Variants in PRKCA observed in about 807,000 individuals in gnomAD.
The protein encoded by PRKCA is protein kinase C alpha.
Under a neutral mutation model 87.0 loss-of-function variants are expected in PRKCA, and 27 were observed. That is an observed-to-expected ratio of 0.31 (90% CI 0.23 to 0.43). PRKCA has a LOEUF of 0.43. Among genes scored for constraint, PRKCA ranks in the 20% least tolerant of loss-of-function variants. The pLI is 1.00. For missense variants in PRKCA, 518 were observed against 852.3 expected (o/e 0.61, Z 4.88); for synonymous variants, 329 against 311.1 (o/e 1.06, Z -0.61).
intron 2 of PRKCA, among the ~76,000 whole-genome samples, chr17:66,423,230 C>T (rs1481531250): frequency 1.3e-5 from 2 of 152,082 alleles, no homozygotes; most frequent in African/African-American, 4.8e-5. Flanking sequence ...AGAGTCTCAC[C>T]GGAATGCAGC....
At position 66,613,551 on chromosome 17, in the gene PRKCA, T is replaced by C. The variant is rs186487626; in HGVS notation, c.289-27804T>C. 6.2e-3 allele frequency among the ~76,000 whole-genome samples: 949 copies of C among 152,256 alleles called. 31 individuals are homozygous for C. The highest frequency in any genetic ancestry group is 0.054 in the Admixed American group (832 of 15,294). On this transcript the variant is annotated intron_variant, in intron 3 of 16. Coordinates refer to ENST00000413366, the MANE Select transcript of PRKCA (RefSeq NM_002737.3). ...CACCCATCAAGGTGTCTCCAGGCCA[T>C]GCTTTGTGCGAGGCTCTAGGGAAGA...
At chr17:66,411,998 A>C (rs1255825041) in intron 2 of PRKCA, among the ~76,000 whole-genome samples, 2 of 143,472 alleles carry the variant, frequency 1.4e-5, no homozygotes, top group East Asian at 2.1e-4. Context: ...CAGGAAAAAA[A>C]ATCTTTTTTT....
intron 2 of PRKCA, among the ~76,000 whole-genome samples, chr17:66,399,204 T>A (rs1910874163): frequency 6.6e-6 from 1 of 151,252 alleles, no homozygotes; most frequent in Non-Finnish European, 1.5e-5. Context: ...GCTCAGTTGA[T>A]CCTCCCATCT....
chr17:66,675,512 G>A (rs187515478), intron 5 of PRKCA, among the ~76,000 whole-genome samples: 78 of 152,266 alleles, frequency 5.1e-4, no homozygotes, highest in Non-Finnish European at 8.2e-4. Context: ...GAGAGAGGAC[G>A]ATCCCTCGGT....
At chr17:66,336,757 TGTGTGTGTGTGTG>T (rs1906708625) in intron 2 of PRKCA, among the ~76,000 whole-genome samples, 2 of 35,194 alleles carry the variant, frequency 5.7e-5, no homozygotes, top group Non-Finnish European at 1.3e-4. Flanking sequence ...AATAAGTTTG[TGTGTGTGTGTGTG>T]TGTGTGTGTG....
At chr17:66,566,480 G>GTTTTTTTTTTTT (rs56912157) in intron 3 of PRKCA, among the ~76,000 whole-genome samples, 6 of 97,022 alleles carry the variant, frequency 6.2e-5, no homozygotes, top group African/African-American at 1.1e-4. Context: ...TTGTTTTTTG[G>GTTTTTTTTTTTT]TTTTTTTTTT....
intron 2 of PRKCA, among the ~76,000 whole-genome samples, chr17:66,353,073 A>G (rs540119459): frequency 6.6e-6 from 1 of 152,262 alleles, no homozygotes; most frequent in South Asian, 2.1e-4. Flanking sequence ...TGCAATGAAG[A>G]TAGGTTCTTT....
At chr17:66,373,673 C>T (rs1277383935) in intron 2 of PRKCA, among the ~76,000 whole-genome samples, 1 of 152,174 alleles carries the variant, frequency 6.6e-6, no homozygotes, top group African/African-American at 2.4e-5. Context: ...TTTGGTATTG[C>T]TTTTGCCATT....
chr17:66,712,479 A>G (rs1401081981), intron 8 of PRKCA, among the ~76,000 whole-genome samples: 4 of 152,210 alleles, frequency 2.6e-5, no homozygotes, highest in Non-Finnish European at 4.4e-5. Context: ...TAAAAAACTC[A>G]GATGTGGCTG....
chr17:66,704,666 G>T (rs1383205681), intron 8 of PRKCA, among the ~76,000 whole-genome samples: 2 of 152,186 alleles, frequency 1.3e-5, no homozygotes, highest in Non-Finnish European at 2.9e-5. Context: ...ACTACAGGAA[G>T]TATCACCCTG....
intron 2 of PRKCA, among the ~76,000 whole-genome samples, chr17:66,495,233 G>A (rs1001231019): frequency 4.6e-5 from 7 of 152,074 alleles, no homozygotes; most frequent in African/African-American, 1.7e-4. Context: ...TGCTGAATTT[G>A]CAGGAACTCT....
chr17:66,442,342 C>CCA (rs1913814282), intron 2 of PRKCA, among the ~76,000 whole-genome samples: 1 of 151,974 alleles, frequency 6.6e-6, no homozygotes, highest in Admixed American at 6.5e-5. Flanking sequence ...CAGGCGTGAG[C>CCA]CACTGCACCT....
intron 2 of PRKCA, among the ~76,000 whole-genome samples, chr17:66,340,281 A>G (rs2143347034): frequency 6.6e-6 from 1 of 152,198 alleles, no homozygotes; most frequent in Non-Finnish European, 1.5e-5. Flanking sequence ...ACAGTTACCA[A>G]AGGAACTAGG....
chr17:66,671,732 C>G (rs1387705735), intron 5 of PRKCA, among the ~76,000 whole-genome samples: 1 of 152,194 alleles, frequency 6.6e-6, no homozygotes, highest in Non-Finnish European at 1.5e-5. Context: ...ACTCTGTGTA[C>G]CTGGATGGAG....
At chr17:66,619,456 C>A (rs143345452) in intron 3 of PRKCA, among the ~76,000 whole-genome samples, 2 of 152,292 alleles carry the variant, frequency 1.3e-5, no homozygotes, top group African/African-American at 4.8e-5. Flanking sequence ...GGGTTTTTTC[C>A]TCTGGAAGGA....
intron 14 of PRKCA, among the ~76,000 whole-genome samples, chr17:66,782,309 C>G (rs1224588147): frequency 2.6e-5 from 4 of 151,866 alleles, no homozygotes; most frequent in South Asian, 4.2e-4. Flanking sequence ...AAAATAGTCT[C>G]TATCTTTGCA....
intron 2 of PRKCA, among the ~76,000 whole-genome samples, chr17:66,472,206 G>A (rs1319200294): frequency 6.6e-6 from 1 of 152,194 alleles, no homozygotes; most frequent in Non-Finnish European, 1.5e-5. Flanking sequence ...CTCCCAAAGT[G>A]CTGGGATTAC....
At chr17:66,334,349 C>T (rs997497131) in intron 2 of PRKCA, among the ~76,000 whole-genome samples, 4 of 152,170 alleles carry the variant, frequency 2.6e-5, no homozygotes, top group Non-Finnish European at 5.9e-5. Context: ...TTTTGTTATA[C>T]TCTTCTGTCT....
At chr17:66,448,573 A>G (rs1914153178) in intron 2 of PRKCA, among the ~76,000 whole-genome samples, 1 of 152,178 alleles carries the variant, frequency 6.6e-6, no homozygotes, top group African/African-American at 2.4e-5. Context: ...TATTAAAATA[A>G]AGTCACACAA....
Sources: allele counts gnomAD v4.1 joint callset (sites outside exome capture counted in the v4.1 genomes callset), GRCh38; gene constraint gnomAD v4.1.1; transcripts MANE v1.5; gene names NCBI Gene and HGNC (gene_info 2026-07-23, HGNC 2026-07-21).